Variants in PPAT observed in about 807,000 individuals in gnomAD.
The protein encoded by PPAT is amidophosphoribosyltransferase.
A neutral mutation model predicts 60.2 loss-of-function variants in PPAT; 20 were observed. That is an observed-to-expected ratio of 0.33 (90% CI 0.23 to 0.48). The LOEUF is 0.48. PPAT is among the 20% of genes least tolerant of loss of function. The pLI, the probability that PPAT is intolerant of heterozygous loss-of-function variation, is 0.99. For synonymous variants in PPAT, 194 were observed against 215.1 expected (o/e 0.90, Z 0.86); for missense variants, 349 against 629.6 (o/e 0.55, Z 4.77).
At chr4:56,422,187 T>A (rs928586126) in intron 1 of PPAT, 19 of 152,290 alleles carry the variant, frequency 1.2e-4, no homozygotes, top group African/African-American at 4.6e-4. Context: ...GGAATGAGAA[T>A]CCTTGGAACC....
chr4:56,409,704 T>C (rs931462651), intron 1 of PPAT, among the ~76,000 whole-genome samples: 3 of 152,238 alleles, frequency 2.0e-5, no homozygotes, highest in Admixed American at 6.5e-5. Flanking sequence ...GTGCTATAAA[T>C]AGTAGATGTT....
At chr4:56,433,969 C>T (rs548007787) in intron 1 of PPAT, among the ~76,000 whole-genome samples, 1 of 152,178 alleles carries the variant, frequency 6.6e-6, no homozygotes, top group African/African-American at 2.4e-5. Flanking sequence ...GGATTACAGG[C>T]GTGAGCCACC....
intron 1 of PPAT, 102 bp from the exon 2 acceptor site, chr4:56,407,818 T>C (rs1243293221): frequency 2.3e-6 from 2 of 878,706 alleles, no homozygotes; most frequent in East Asian, 2.4e-5. Context: ...ATGAACTTAG[T>C]GTGACAACAC....
intron 1 of PPAT, among the ~76,000 whole-genome samples, chr4:56,429,552 C>T (rs893374731): frequency 6.6e-6 from 1 of 152,058 alleles, no homozygotes; most frequent in Non-Finnish European, 1.5e-5. Flanking sequence ...ATAAGAAAAC[C>T]TGAGCTCCAG....
At chr4:56,407,420 A>G (rs971382022) in intron 2 of PPAT, among the ~76,000 whole-genome samples, 1 of 151,884 alleles carries the variant, frequency 6.6e-6, no homozygotes, top group Non-Finnish European at 1.5e-5. Flanking sequence ...CCAGGTTCAA[A>G]CGATTCTCTT....
intron 6 of PPAT, among the ~76,000 whole-genome samples, chr4:56,401,706 G>C (rs1032814164): frequency 2.6e-5 from 4 of 151,872 alleles, no homozygotes; most frequent in African/African-American, 9.7e-5. Context: ...AAAATTAAGG[G>C]CCCTAAGTTG....
intron 1 of PPAT, chr4:56,428,997 A>G (rs139718618): frequency 2.4e-4 from 231 of 972,060 alleles, no homozygotes; most frequent in African/African-American, 1.6e-3. Flanking sequence ...AGAAAAGCAC[A>G]TGAAGATGGT....
At chr4:56,398,896 C>T (rs1212292449) in intron 9 of PPAT, among the ~76,000 whole-genome samples, 2 of 152,118 alleles carry the variant, frequency 1.3e-5, no homozygotes, top group African/African-American at 4.8e-5. Flanking sequence ...CAAGCAACCT[C>T]CTACCTCAGG....
At chr4:56,416,844 C>T (rs1056184751) in intron 1 of PPAT, among the ~76,000 whole-genome samples, 4 of 151,878 alleles carry the variant, frequency 2.6e-5, no homozygotes, top group Non-Finnish European at 2.9e-5. Flanking sequence ...AGTGTAAATC[C>T]TTCTTTGCTT....
intron 1 of PPAT, among the ~76,000 whole-genome samples, chr4:56,408,978 C>T (rs1716332309): frequency 6.6e-6 from 1 of 152,084 alleles, no homozygotes; most frequent in Non-Finnish European, 1.5e-5. Flanking sequence ...AGAAATGAAA[C>T]CTTAACTTTC....
At chr4:56,398,710 A>T (rs1052343653) in intron 9 of PPAT, among the ~76,000 whole-genome samples, 1 of 152,172 alleles carries the variant, frequency 6.6e-6, no homozygotes, top group Admixed American at 6.5e-5. Flanking sequence ...TCAGCCTCCC[A>T]AAGTGCTGGA....
chr4:56,407,017 A>G (rs1325030416), intron 2 of PPAT, among the ~76,000 whole-genome samples: 4 of 152,218 alleles, frequency 2.6e-5, no homozygotes, highest in Admixed American at 1.3e-4. Context: ...CTATTCACTA[A>G]AACATTTAAG....
At chr4:56,419,646 A>C in intron 1 of PPAT, 1 of 983,048 alleles carries the variant, frequency 1.0e-6, no homozygotes, top group Non-Finnish European at 1.2e-6. Context: ...ACCCTCTAAT[A>C]ATACAACTTT....
chr4:56,409,815 G>T (rs536497444), intron 1 of PPAT, among the ~76,000 whole-genome samples: 28 of 152,234 alleles, frequency 1.8e-4, no homozygotes, highest in Admixed American at 1.7e-3. Context: ...TTAATACATT[G>T]ATTTATTTGG....
intron 1 of PPAT, among the ~76,000 whole-genome samples, chr4:56,425,858 G>T (rs995779646): frequency 6.6e-6 from 1 of 152,090 alleles, no homozygotes; most frequent in Non-Finnish European, 1.5e-5. Context: ...AGGAAGATTT[G>T]GAAGCTCCGT....
chr4:56,403,016 G>GA, intron 5 of PPAT, 24 bp downstream of exon 5: 1 of 1,567,992 alleles, frequency 6.4e-7, no homozygotes, highest in Non-Finnish European at 8.6e-7. Context: ...ACTATGAAAT[G>GA]ATATTCCTTC....
At chr4:56,402,324 T>C in intron 5 of PPAT, 143 bp from the exon 6 acceptor site, 1 of 491,842 alleles carries the variant, frequency 2.0e-6, no homozygotes, top group Non-Finnish European at 3.5e-6. Flanking sequence ...TGGATCCTCA[T>C]TTGACTTGAG....
intron 3 of PPAT, among the ~76,000 whole-genome samples, chr4:56,406,066 T>C (rs1164538792): frequency 6.6e-6 from 1 of 152,208 alleles, no homozygotes; most frequent in Admixed American, 6.5e-5. Context: ...TCTGGAAAAC[T>C]GCTGGTATAA....
chr4:56,406,417 C>T (rs1394842906), intron 3 of PPAT, 78 bp downstream of exon 3: 1 of 1,463,778 alleles, frequency 6.8e-7, no homozygotes, highest in Non-Finnish European at 9.5e-7. Flanking sequence ...ATGCCCTTTA[C>T]AAAGATCCTT....
Sources: allele counts gnomAD v4.1 joint callset (sites outside exome capture counted in the v4.1 genomes callset), GRCh38; gene constraint gnomAD v4.1.1; transcripts MANE v1.5; gene names NCBI Gene and HGNC (gene_info 2026-07-23, HGNC 2026-07-21).